The following GABRA3 variants were observed in gnomAD, a reference collection of about 807,000 sequenced individuals.
The protein encoded by GABRA3 is gamma-aminobutyric acid receptor subunit alpha-3.
In GABRA3, 10 loss-of-function variants were observed where a neutral mutation model predicts 30.1. The observed-to-expected ratio is 0.33, with a 90% CI of 0.20 to 0.56. GABRA3 has a LOEUF of 0.56. Ranked by LOEUF, GABRA3 falls within the 20% of genes least tolerant of loss-of-function variation. GABRA3 has a pLI of 0.89. For missense variants in GABRA3, 233 were observed against 392.0 expected (o/e 0.59, Z 3.42); for synonymous variants, 151 against 146.8 (o/e 1.03, Z -0.21).
intron 4 of GABRA3, among the ~76,000 whole-genome samples, chrX:152,276,652 A>G (rs772329137): frequency 2.1e-3 from 235 of 112,305 alleles, no homozygotes; most frequent in African/African-American, 7.2e-3. Context: ...ATGTATGACC[A>G]CATATTCATA....
intron 3 of GABRA3, among the ~76,000 whole-genome samples, chrX:152,306,753 T>G (rs190755543): frequency 8.9e-6 from 1 of 112,287 alleles, no homozygotes; most frequent in Admixed American, 9.4e-5. Flanking sequence ...AATCTGCCAT[T>G]TCTGAATTTC....
rs1436998607 is a variant in GABRA3 at position 152,240,378 on chromosome X, G to T, written c.551+15400C>A. Among the ~76,000 whole-genome samples the T allele has an allele frequency of 4.3e-5, 4 of 92,321 alleles. No homozygotes were observed. In the Admixed American group the frequency reaches 4.9e-4, roughly 11 times the overall value. 80.2% of individuals were successfully genotyped at this position (92,321 alleles called of 115,157 possible). A position where few individuals can be genotyped will look rare whatever the true frequency, so the allele number is the denominator to read the frequency against. ...CTGAGAGATCCGCTGTTAGTCTGATGGGCTTCCCTTTGAGGGTAACCCGAC... is the reference window on the plus strand; with the variant it reads ...CTGAGAGATCCGCTGTTAGTCTGATTGGCTTCCCTTTGAGGGTAACCCGAC... On this transcript the variant is annotated intron_variant, in intron 5 of 9. Transcript: ENST00000370314.
chrX:152,216,381 A>AGAGGG (rs1162515338), intron 6 of GABRA3, among the ~76,000 whole-genome samples: 1 of 89,504 alleles, frequency 1.1e-5, no homozygotes, highest in Non-Finnish European at 2.2e-5. Context: ...AATGTTATAT[A>AGAGGG]ATATATAAAC....
intron 9 of GABRA3, among the ~76,000 whole-genome samples, chrX:152,188,513 A>ACCCT (rs1937284569): frequency 9.1e-6 from 1 of 110,429 alleles, no homozygotes; most frequent in South Asian, 3.9e-4. Flanking sequence ...GGGCTAACAG[A>ACCCT]CCCTGTTCCT....
At chrX:152,341,302 G>GT (rs1940308452) in intron 3 of GABRA3, among the ~76,000 whole-genome samples, 1 of 110,695 alleles carries the variant, frequency 9.0e-6, no homozygotes, top group South Asian at 3.8e-4. Context: ...GGTTGGTTCC[G>GT]TATCTTTGCA....
intron 3 of GABRA3, among the ~76,000 whole-genome samples, chrX:152,337,479 C>T (rs1940250705): frequency 9.0e-6 from 1 of 111,246 alleles, no homozygotes; most frequent in Non-Finnish European, 1.9e-5. Context: ...CTGTGCTTGG[C>T]TTGTTTAACT....
chrX:152,446,918 A>C (rs1268608342), intron 1 of GABRA3, among the ~76,000 whole-genome samples: 1 of 111,724 alleles, frequency 9.0e-6, no homozygotes, highest in Non-Finnish European at 1.9e-5. Context: ...TTCTGCATAC[A>C]CTTTACTCCA....
chrX:152,315,339 G>A (rs1185317575), intron 3 of GABRA3, among the ~76,000 whole-genome samples: 1 of 111,144 alleles, frequency 9.0e-6, no homozygotes, highest in East Asian at 2.9e-4. Flanking sequence ...GAAGCAGCGG[G>A]AAGTCCTGTG....
At chrX:152,296,583 T>C (rs1213533912) in intron 3 of GABRA3, among the ~76,000 whole-genome samples, 1 of 111,944 alleles carries the variant, frequency 8.9e-6, no homozygotes, top group African/African-American at 3.2e-5. Context: ...ACCTGACAAC[T>C]TTTGACATTT....
intron 2 of GABRA3, among the ~76,000 whole-genome samples, chrX:152,352,268 C>T (rs1434973201): frequency 9.0e-6 from 1 of 111,217 alleles, no homozygotes; most frequent in African/African-American, 3.3e-5. Context: ...GCCTGTATTT[C>T]CATATATGTA....
intron 1 of GABRA3, among the ~76,000 whole-genome samples, chrX:152,364,941 A>G (rs995336940): frequency 6.3e-5 from 7 of 111,693 alleles, no homozygotes; most frequent in African/African-American, 2.3e-4. Flanking sequence ...TAGGTGAATC[A>G]CAGAACTTCC....
At chrX:152,363,267 T>A in intron 2 of GABRA3, among the ~76,000 whole-genome samples, 1 of 112,084 alleles carries the variant, frequency 8.9e-6, no homozygotes, top group East Asian at 2.8e-4. Context: ...TGGAAAATAT[T>A]GCAGAAAGCA....
At chrX:152,321,267 G>A (rs918263637) in intron 3 of GABRA3, among the ~76,000 whole-genome samples, 2 of 111,800 alleles carry the variant, frequency 1.8e-5, no homozygotes, top group South Asian at 3.7e-4. Flanking sequence ...AGACTCACAT[G>A]GGGAGCTTTT....
At chrX:152,338,121 G>A (rs1940260529) in intron 3 of GABRA3, among the ~76,000 whole-genome samples, 1 of 111,726 alleles carries the variant, frequency 9.0e-6, no homozygotes, top group Admixed American at 9.5e-5. Flanking sequence ...GTTCTGCATA[G>A]TGCCCATACT....
At chrX:152,322,844 CTTTTTTTT>C (rs1172827692) in intron 3 of GABRA3, among the ~76,000 whole-genome samples, 7 of 61,279 alleles carry the variant, frequency 1.1e-4, no homozygotes, top group Non-Finnish European at 8.8e-5. Context: ...AAAGTCTACT[CTTTTTTTT>C]TTTTTTTTTT....
At chrX:152,391,702 C>T (rs1173147314) in intron 1 of GABRA3, among the ~76,000 whole-genome samples, 1 of 111,265 alleles carries the variant, frequency 9.0e-6, no homozygotes, top group Non-Finnish European at 1.9e-5. Context: ...TACAACACAG[C>T]AATGAATGAC....
chrX:152,265,199 T>C (rs1396484244), intron 4 of GABRA3, among the ~76,000 whole-genome samples: 1 of 111,565 alleles, frequency 9.0e-6, no homozygotes, highest in African/African-American at 3.3e-5. Context: ...ATACACATTT[T>C]TTTCCTCAGC....
At chrX:152,219,361 A>AACCAC (rs1422135355) in intron 6 of GABRA3, among the ~76,000 whole-genome samples, 1 of 111,371 alleles carries the variant, frequency 9.0e-6, no homozygotes, top group East Asian at 2.8e-4. Context: ...CATCAAGGGT[A>AACCAC]ACCACTATCC....
intron 1 of GABRA3, among the ~76,000 whole-genome samples, chrX:152,419,366 T>C (rs1470580710): frequency 9.0e-6 from 1 of 110,713 alleles, no homozygotes; most frequent in African/African-American, 3.3e-5. Flanking sequence ...CCAGCAAGCC[T>C]GATGAATAAC....
Sources: allele counts gnomAD v4.1 joint callset (sites outside exome capture counted in the v4.1 genomes callset), GRCh38; gene constraint gnomAD v4.1.1; transcripts MANE v1.5; gene names NCBI Gene and HGNC (gene_info 2026-07-23, HGNC 2026-07-21).